Variants in THBS4 observed in about 807,000 individuals in gnomAD.
THBS4 encodes the protein thrombospondin 4, also known as thrombospondin-4.
Under a neutral mutation model 115.7 loss-of-function variants are expected in THBS4, and 90 were observed. That is an observed-to-expected ratio of 0.78 (90% confidence interval 0.66 to 0.93). The LOEUF (loss-of-function observed/expected upper bound fraction) is 0.93. Ranked by LOEUF, THBS4 falls within the 40% of genes least tolerant of loss-of-function variation. The pLI, the probability that THBS4 is intolerant of heterozygous loss-of-function variation, is 0.00. For missense variants in THBS4, 1,087 were observed against 1,232.7 expected (o/e 0.88, Z 1.77); for synonymous variants, 460 against 479.3 (o/e 0.96, Z 0.53).
intron 2 of THBS4, among the ~76,000 whole-genome samples, chr5:80,020,833 A>G (rs973700299): frequency 1.6e-4 from 24 of 152,234 alleles, no homozygotes; most frequent in Admixed American, 4.6e-4. Context: ...GGGCACAGAA[A>G]GAGGCTTTAT....
At chr5:80,055,383 C>T (rs1323977777) in intron 2 of THBS4, among the ~76,000 whole-genome samples, 3 of 151,804 alleles carry the variant, frequency 2.0e-5, no homozygotes, top group Admixed American at 1.3e-4. Context: ...CCCCCAGCCC[C>T]ATGGTAGTGC....
intron 15 of THBS4, among the ~76,000 whole-genome samples, chr5:80,073,682 C>T (rs903096734): frequency 1.3e-5 from 2 of 151,860 alleles, no homozygotes; most frequent in Admixed American, 1.3e-4. Flanking sequence ...CTGTGCCCAG[C>T]CCGGAGAGGG....
In THBS4 at chr5:80,079,942, G is replaced by A. The variant is rs1395194399; in HGVS notation, c.2549G>A (p.Arg850Gln). The change falls in exon 20 of 22, where the codon CGG becomes CAG. Residue 850 changes from arginine (R) to glutamine (Q), a missense_variant. Physicochemically the swap from Arg to Gln is conservative, Grantham distance 43 (BLOSUM62 1). This residue lies in a region of THBS4 where 979 missense variants were observed against 1,103.7 expected (regional missense o/e 0.89). Coordinates refer to ENST00000350881, the MANE Select transcript of THBS4 (RefSeq NM_003248.6). ...KSKTGPGEHL[R>Q]NSLWHTGDTS... ...AAGACAGGTCCAGGGGAGCATCTCCGGAACTCCCTGTGGCACACGGGGGAC... is the reference window on the plus strand; with the variant it reads ...AAGACAGGTCCAGGGGAGCATCTCCAGAACTCCCTGTGGCACACGGGGGAC... The A allele has an allele frequency of 6.2e-6, 10 of 1,613,990 alleles. No homozygotes were observed. Among genetic ancestry groups the A allele is most frequent in the South Asian group, 2.2e-5 (2 of 91,084 alleles).
In THBS4 at chr5:80,058,795, C is replaced by G. The variant is rs758825348; in HGVS notation, c.732+5C>G. 1.1e-4 allele frequency: 182 copies of G among 1,612,610 alleles called. No homozygotes were observed. Among genetic ancestry groups the G allele is most frequent in the Non-Finnish European group, 1.5e-4 (173 of 1,179,222 alleles). ...AAGGACCTTCTGAGACAGCAGGTAA[C>G]AAGCGGGACATATCATCAGAAAAGC... On this transcript the variant is annotated splice_donor_5th_base_variant and intron_variant, in intron 5 of 21. Transcript: ENST00000350881.
intron 2 of THBS4, among the ~76,000 whole-genome samples, chr5:79,999,840 TACTC>T (rs1405626244): frequency 1.3e-5 from 2 of 152,338 alleles, no homozygotes; most frequent in Admixed American, 6.5e-5. Context: ...TGTCAGTCAT[TACTC>T]ACATCAGTGC....
intron 8 of THBS4, among the ~76,000 whole-genome samples, chr5:80,063,696 A>C (rs544992269): frequency 6.6e-6 from 1 of 152,308 alleles, no homozygotes; most frequent in South Asian, 2.1e-4. Context: ...TAAAGACAAA[A>C]TCTCTAAGAA....
chr5:80,047,614 T>C (rs879832923), intron 2 of THBS4, among the ~76,000 whole-genome samples: 5 of 149,754 alleles, frequency 3.3e-5, no homozygotes, highest in Non-Finnish European at 7.4e-5. Context: ...TCAAGACCAG[T>C]CTGGGTAAAA....
chr5:80,063,775 C>T (rs1407840019), intron 8 of THBS4, among the ~76,000 whole-genome samples: 1 of 152,204 alleles, frequency 6.6e-6, no homozygotes, highest in Non-Finnish European at 1.5e-5. Context: ...TTTCCAGTAA[C>T]AAGGCAGACA....
At chr5:80,072,844 A>G (rs1834119172) in intron 14 of THBS4, among the ~76,000 whole-genome samples, 1 of 152,060 alleles carries the variant, frequency 6.6e-6, no homozygotes, top group African/African-American at 2.4e-5. Context: ...TGTGTCATTT[A>G]TTTTTAAAGC....
intron 2 of THBS4, among the ~76,000 whole-genome samples, chr5:80,027,551 T>G (rs772446009): frequency 6.6e-6 from 1 of 152,096 alleles, no homozygotes; most frequent in Non-Finnish European, 1.5e-5. Flanking sequence ...AAAGCTTACA[T>G]TGCTAGAGGA....
At chr5:80,077,542 G>A (rs913763664) in intron 16 of THBS4, among the ~76,000 whole-genome samples, 1 of 152,234 alleles carries the variant, frequency 6.6e-6, no homozygotes, top group African/African-American at 2.4e-5. Context: ...GGGGACTGAA[G>A]TGACCTGGAG....
At chr5:80,033,252 G>A, upstream of THBS4, 1 of 412,474 alleles carries the variant, frequency 2.4e-6, no homozygotes, top group East Asian at 7.5e-5. Context: ...GGCACTGCAG[G>A]GTGCCCTCCA....
At chr5:80,005,827 C>T (rs182932288) in intron 2 of THBS4, among the ~76,000 whole-genome samples, 8 of 138,702 alleles carry the variant, frequency 5.8e-5, no homozygotes, top group African/African-American at 2.2e-4. Flanking sequence ...AGTGCAGTGG[C>T]GCGATCTCGG....
intron 2 of THBS4, among the ~76,000 whole-genome samples, chr5:80,014,149 A>ACC (rs1832202354): frequency 6.6e-6 from 1 of 152,166 alleles, no homozygotes; most frequent in African/African-American, 2.4e-5. Context: ...TCTTGATACC[A>ACC]CCACCACCAC....
intron 14 of THBS4, among the ~76,000 whole-genome samples, 187 bp from the exon 15 acceptor site, chr5:80,073,088 A>G (rs752073778): frequency 1.3e-5 from 2 of 152,058 alleles, no homozygotes; most frequent in Non-Finnish European, 2.9e-5. Context: ...GATATTTTAG[A>G]AGGCTTTTTT....
At chr5:80,033,978 A>G (rs1254308148), upstream of THBS4, among the ~76,000 whole-genome samples, 1 of 152,228 alleles carries the variant, frequency 6.6e-6, no homozygotes, top group Non-Finnish European at 1.5e-5. Flanking sequence ...CTGTAAAAAC[A>G]TAGAAAGGCA....
chr5:79,996,659 T>TA (rs1295375641), intron 1 of THBS4, among the ~76,000 whole-genome samples: 3 of 152,222 alleles, frequency 2.0e-5, no homozygotes, highest in Admixed American at 2.0e-4. Flanking sequence ...GATCAGGCAG[T>TA]AATATATACT....
intron 2 of THBS4, among the ~76,000 whole-genome samples, chr5:80,044,606 G>C (rs1484043767): frequency 6.6e-6 from 1 of 151,978 alleles, no homozygotes; most frequent in South Asian, 2.1e-4. Flanking sequence ...TATTTTTTTA[G>C]TAGAGATGGG....
upstream of THBS4, among the ~76,000 whole-genome samples, chr5:80,030,733 C>T (rs1034513171): frequency 6.6e-6 from 1 of 152,050 alleles, no homozygotes; most frequent in Non-Finnish European, 1.5e-5. Context: ...GTCTCCAGCT[C>T]CTGGCTCAAG....
Sources: allele counts gnomAD v4.1 joint callset (sites outside exome capture counted in the v4.1 genomes callset), GRCh38; gene constraint gnomAD v4.1.1; regional missense constraint gnomAD v4.1.1; transcripts MANE v1.5; gene names NCBI Gene and HGNC (gene_info 2026-07-23, HGNC 2026-07-21).